Variants in HTR1F observed in about 807,000 individuals in gnomAD.
HTR1F encodes 5-hydroxytryptamine (serotonin) receptor 1F, G protein-coupled.
In HTR1F, 17 loss-of-function variants were observed where a neutral mutation model predicts 24.0. The ratio of observed to expected loss-of-function variants is 0.71; its 90% CI spans 0.48 to 1.06. HTR1F has a LOEUF of 1.06. Among genes scored for constraint, HTR1F ranks in the 50% least tolerant of loss-of-function variants. The pLI is 0.00. For synonymous variants in HTR1F, 186 were observed against 156.8 expected, an observed-to-expected ratio of 1.19 and a Z score of -1.39; for missense variants, 391 against 427.8, an observed-to-expected ratio of 0.91 and a Z score of 0.76.
chr3:87,983,946 CAG>C (rs1336928494), intron 2 of HTR1F, among the ~76,000 whole-genome samples: 4 of 152,214 alleles, frequency 2.6e-5, no homozygotes, highest in Admixed American at 2.6e-4. Context: ...TGCCAAAACT[CAG>C]ATATCCTTTC....
intron 2 of HTR1F, among the ~76,000 whole-genome samples, chr3:87,852,122 A>G (rs970951817): frequency 2.0e-5 from 3 of 151,516 alleles, no homozygotes; most frequent in Non-Finnish European, 4.4e-5. Flanking sequence ...ATTAATATGA[A>G]TTTCATTATA....
intron 2 of HTR1F, among the ~76,000 whole-genome samples, chr3:87,943,583 T>G (rs530414300): frequency 9.3e-4 from 138 of 147,938 alleles, no homozygotes; most frequent in Non-Finnish European, 1.5e-3. Context: ...GGGGAAGGAG[T>G]TGGGGGGATG....
chr3:87,827,761 C>T (rs1704495003), intron 2 of HTR1F, among the ~76,000 whole-genome samples: 1 of 152,118 alleles, frequency 6.6e-6, no homozygotes, highest in Admixed American at 6.5e-5. Flanking sequence ...AAAACATAGC[C>T]CTATCATGAT....
intron 2 of HTR1F, among the ~76,000 whole-genome samples, chr3:87,986,349 A>C (rs73847738): frequency 6.6e-6 from 1 of 152,228 alleles, no homozygotes; most frequent in Non-Finnish European, 1.5e-5. Flanking sequence ...GTTGTCTATA[A>C]ATACAACTAG....
chr3:87,900,879 T>C (rs1365081927), intron 2 of HTR1F, among the ~76,000 whole-genome samples: 1 of 152,140 alleles, frequency 6.6e-6, no homozygotes, highest in African/African-American at 2.4e-5. Flanking sequence ...TAGACATCCA[T>C]GCAGAAATTT....
intron 2 of HTR1F, among the ~76,000 whole-genome samples, chr3:87,865,567 T>C (rs1161767393): frequency 1.3e-5 from 2 of 152,162 alleles, no homozygotes; most frequent in African/African-American, 2.4e-5. Flanking sequence ...AAATACACAA[T>C]AAATATGAAT....
At chr3:87,954,668 A>C (rs1704906096) in intron 2 of HTR1F, among the ~76,000 whole-genome samples, 1 of 151,704 alleles carries the variant, frequency 6.6e-6, no homozygotes, top group Non-Finnish European at 1.5e-5. Context: ...GAAAGTTGAT[A>C]GAGTGTTACT....
intron 2 of HTR1F, among the ~76,000 whole-genome samples, chr3:87,970,904 T>C (rs535127137): frequency 2.6e-5 from 4 of 152,346 alleles, no homozygotes; most frequent in South Asian, 4.1e-4. Flanking sequence ...GTAGTATAGA[T>C]TGATGCCTAT....
intron 2 of HTR1F, among the ~76,000 whole-genome samples, chr3:87,987,755 ATT>A (rs1705702217): frequency 1.4e-5 from 2 of 138,028 alleles, no homozygotes; most frequent in Non-Finnish European, 3.1e-5. Flanking sequence ...AAATATATGT[ATT>A]ATATATATGT....
intron 2 of HTR1F, among the ~76,000 whole-genome samples, chr3:87,869,469 T>C (rs1349073215): frequency 1.3e-5 from 2 of 151,340 alleles, no homozygotes; most frequent in African/African-American, 4.9e-5. Context: ...GATAGATAGA[T>C]AGATAGATAG....
At chr3:87,964,505 T>C (rs1030213861) in intron 2 of HTR1F, among the ~76,000 whole-genome samples, 8 of 152,268 alleles carry the variant, frequency 5.3e-5, no homozygotes, top group African/African-American at 1.9e-4. Flanking sequence ...TGACATCTGA[T>C]AGCACCATAC....
chr3:87,851,886 A>G (rs1465225926), intron 2 of HTR1F, among the ~76,000 whole-genome samples: 3 of 151,358 alleles, frequency 2.0e-5, no homozygotes, highest in African/African-American at 7.3e-5. Flanking sequence ...AAGTATTCTC[A>G]GAGCAAACAG....
intron 2 of HTR1F, among the ~76,000 whole-genome samples, chr3:87,869,271 C>T (rs774968519): frequency 5.3e-5 from 8 of 151,886 alleles, no homozygotes; most frequent in Non-Finnish European, 8.8e-5. Context: ...AAGATATCTC[C>T]TAGTTTAATT....
rs955129490 is a variant in HTR1F at position 87,823,194 on chromosome 3, G to A, written c.-43+1070G>A. Among the ~76,000 whole-genome samples, 54 of 152,040 alleles carry A rather than the reference G, an allele frequency of 3.6e-4. 1 individual carries two copies. Among genetic ancestry groups the A allele is most frequent in the African/African-American group, 1.2e-3 (51 of 41,400 alleles). On this transcript the variant is annotated intron_variant, in intron 2 of 2. Transcript: ENST00000319595. Reference sequence around the variant, plus strand: ...TGATTTTTTAATTAAATGGATGGCAGGAATGTACTGTCTATTGCAAATTTT... The same window carrying A: ...TGATTTTTTAATTAAATGGATGGCAAGAATGTACTGTCTATTGCAAATTTT...
intron 2 of HTR1F, among the ~76,000 whole-genome samples, chr3:87,925,956 T>G (rs1704116600): frequency 6.6e-6 from 1 of 152,200 alleles, no homozygotes; most frequent in African/African-American, 2.4e-5. Flanking sequence ...ATGTATTTGT[T>G]GTTTTTGTCA....
intron 2 of HTR1F, among the ~76,000 whole-genome samples, chr3:87,906,633 A>T (rs1472691530): frequency 6.6e-6 from 1 of 151,796 alleles, no homozygotes; most frequent in Non-Finnish European, 1.5e-5. Context: ...ATTTTGGTGC[A>T]CCCATCAACC....
At chr3:87,938,180 C>A (rs1704474522) in intron 2 of HTR1F, among the ~76,000 whole-genome samples, 2 of 152,054 alleles carry the variant, frequency 1.3e-5, no homozygotes, top group Non-Finnish European at 2.9e-5. Flanking sequence ...GGAACACAGT[C>A]CCGTTCACAA....
chr3:87,912,468 C>A (rs1285180290), intron 2 of HTR1F, among the ~76,000 whole-genome samples: 7 of 151,742 alleles, frequency 4.6e-5, no homozygotes, highest in African/African-American at 9.7e-5. Context: ...ATAGAAAGAA[C>A]CAATGTCATT....
chr3:87,863,141 T>C (rs1298479980), intron 2 of HTR1F, among the ~76,000 whole-genome samples: 3 of 152,102 alleles, frequency 2.0e-5, no homozygotes, highest in Non-Finnish European at 2.9e-5. Flanking sequence ...TCAAAAAGCC[T>C]TTTATATGAA....
Sources: allele counts gnomAD v4.1 joint callset (sites outside exome capture counted in the v4.1 genomes callset), GRCh38; gene constraint gnomAD v4.1.1; transcripts MANE v1.5; gene names NCBI Gene and HGNC (gene_info 2026-07-23, HGNC 2026-07-21).